The following CNBD1 variants were observed in gnomAD, a reference collection of about 807,000 sequenced individuals.
CNBD1 encodes the protein cyclic nucleotide binding domain containing 1.
In CNBD1, 71 loss-of-function variants were observed where a neutral mutation model predicts 54.4. The ratio of observed to expected loss-of-function variants is 1.30; its 90% CI spans 1.08 to 1.59. The LOEUF (loss-of-function observed/expected upper bound fraction) is 1.59. Among genes scored for constraint, CNBD1 ranks in the 40% most tolerant of loss-of-function variants. CNBD1 has a pLI of 0.00. For synonymous variants in CNBD1, 182 were observed against 170.7 expected, an observed-to-expected ratio of 1.07 and a Z score of -0.51; for missense variants, 659 against 518.0, an observed-to-expected ratio of 1.27 and a Z score of -2.64.
rs1012144193 is a variant in CNBD1, at chr8:87,183,955, G to C, written c.432-22038G>C. On this transcript the variant is annotated intron_variant, in intron 4 of 10. Transcript: ENST00000518476. ...TTCACTGGCGACAACACTCCAATAA[G>C]GGCTGCCAGCAAAGCACTGCAGTAG... is the stretch of plus-strand genomic sequence containing the variant. Among the ~76,000 whole-genome samples the C allele has an allele frequency of 2.0e-5, 3 of 152,174 alleles. No individual in the cohort carries two copies. The South Asian group carries it at 6.2e-4, about 31-fold the overall frequency.
chr8:86,928,938 A>G (rs73689969), intron 3 of CNBD1, among the ~76,000 whole-genome samples: 11,614 of 152,222 alleles, frequency 0.076, 1,438 homozygotes, highest in African/African-American at 0.26. Flanking sequence ...CTCTTCTGTC[A>G]TTAACCACCC....
At chr8:87,191,770 C>T (rs1230059228) in intron 4 of CNBD1, among the ~76,000 whole-genome samples, 1 of 152,128 alleles carries the variant, frequency 6.6e-6, no homozygotes, top group Non-Finnish European at 1.5e-5. Context: ...ACTGTGTGGA[C>T]CCAGCAGCAT....
chr8:87,058,753 T>A lies in CNBD1; in HGVS notation c.431+118999T>A, dbSNP rs554250853. ...TGGACCCAGTCCATGTAACCATCTT[T>A]CCTTCCTGGGTCTGTGATGGGAAGG... On this transcript the variant is annotated intron_variant, in intron 4 of 10. Transcript: ENST00000518476. Among the ~76,000 whole-genome samples the A allele has an allele frequency of 1.3e-4, 20 of 152,316 alleles. No individual in the cohort carries two copies. In the South Asian group the frequency reaches 4.1e-3, roughly 32 times the overall value.
chr8:87,341,009 T>G (rs1224506150), intron 8 of CNBD1, among the ~76,000 whole-genome samples: 4 of 152,168 alleles, frequency 2.6e-5, no homozygotes. Flanking sequence ...ATCTATCTCT[T>G]TAATTTTTCA....
At chr8:86,980,185 C>T (rs1808449889) in intron 4 of CNBD1, among the ~76,000 whole-genome samples, 1 of 152,162 alleles carries the variant, frequency 6.6e-6, no homozygotes, top group South Asian at 2.1e-4. Context: ...TACCATAATT[C>T]TTTTTGGTGC....
At chr8:87,071,935 G>A (rs764822574) in intron 4 of CNBD1, among the ~76,000 whole-genome samples, 1 of 152,054 alleles carries the variant, frequency 6.6e-6, no homozygotes, top group Non-Finnish European at 1.5e-5. Context: ...CTATACTTGT[G>A]TGGGAGTCTA....
intron 8 of CNBD1, among the ~76,000 whole-genome samples, chr8:87,338,565 TCTC>T (rs1351534924): frequency 6.6e-6 from 1 of 151,996 alleles, no homozygotes; most frequent in Non-Finnish European, 1.5e-5. Context: ...CAGATGTAAT[TCTC>T]CTCTATAGGT....
At chr8:86,969,658 AATATT>A (rs1262071788) in intron 4 of CNBD1, among the ~76,000 whole-genome samples, 33 of 152,092 alleles carry the variant, frequency 2.2e-4, no homozygotes, top group African/African-American at 5.5e-4. Context: ...TATAAGGCTC[AATATT>A]ATATTATAAT....
intron 4 of CNBD1, among the ~76,000 whole-genome samples, chr8:87,179,211 G>T (rs1381481066): frequency 6.6e-6 from 1 of 152,134 alleles, no homozygotes; most frequent in Non-Finnish European, 1.5e-5. Context: ...GACTTCAATT[G>T]AATAATTGAG....
intron 4 of CNBD1, among the ~76,000 whole-genome samples, chr8:87,051,054 A>T (rs1383310612): frequency 5.3e-5 from 8 of 152,210 alleles, no homozygotes; most frequent in Non-Finnish European, 1.2e-4. Context: ...TTCTGAAGCC[A>T]TTAGGATGGC....
At chr8:87,404,220 G>T (rs771280374) in intron 2 of CNBD1, among the ~76,000 whole-genome samples, 2 of 152,000 alleles carry the variant, frequency 1.3e-5, no homozygotes, top group Non-Finnish European at 2.9e-5. Flanking sequence ...GTGGGGATTT[G>T]TTCAAAAGTT....
chr8:87,253,382 T>G lies in CNBD1; in HGVS notation c.771+16270T>G, dbSNP rs549439977. 2.0e-5 allele frequency among the ~76,000 whole-genome samples: 3 copies of G among 152,230 alleles called. No individual in the cohort carries two copies. The South Asian group carries it at 6.2e-4, about 32-fold the overall frequency. The stretch of plus-strand genomic sequence containing the variant: ...ATCCTCTGCAGAATTGCTGGCTGAA[T>G]CTAAGTCTGAAGGTTGCAGCTCCTG... On this transcript the variant is annotated intron_variant, in intron 6 of 10. Transcript: ENST00000518476.
At chr8:87,019,886 G>T (rs1809447282) in intron 4 of CNBD1, among the ~76,000 whole-genome samples, 1 of 151,914 alleles carries the variant, frequency 6.6e-6, no homozygotes, top group African/African-American at 2.4e-5. Flanking sequence ...CTCAAAAAAA[G>T]AAAAGATTAC....
chr8:87,164,451 T>C (rs1352063854), intron 4 of CNBD1, among the ~76,000 whole-genome samples: 2 of 151,958 alleles, frequency 1.3e-5, no homozygotes, highest in Admixed American at 1.3e-4. Flanking sequence ...AGGTGTTTAA[T>C]TACTGAGTCA....
At chr8:87,254,315 G>T in intron 6 of CNBD1, among the ~76,000 whole-genome samples, 1 of 149,954 alleles carries the variant, frequency 6.7e-6, no homozygotes, top group Admixed American at 6.6e-5. Context: ...GGACTCATAG[G>T]GTAACAATTA....
intron 4 of CNBD1, among the ~76,000 whole-genome samples, chr8:87,095,319 T>C (rs1182850886): frequency 6.6e-6 from 1 of 152,226 alleles, no homozygotes; most frequent in African/African-American, 2.4e-5. Context: ...CTTAAGATAA[T>C]ACACTTGACA....
chr8:87,123,476 A>G (rs953649882), intron 4 of CNBD1, among the ~76,000 whole-genome samples: 1 of 151,798 alleles, frequency 6.6e-6, no homozygotes, highest in Non-Finnish European at 1.5e-5. Context: ...GGAAACATAA[A>G]CATAAACATA....
At chr8:86,984,041 A>G (rs193019026) in intron 4 of CNBD1, among the ~76,000 whole-genome samples, 2 of 152,300 alleles carry the variant, frequency 1.3e-5, no homozygotes, top group East Asian at 3.9e-4. Flanking sequence ...ACTAGGAGAA[A>G]AAAACGGTTT....
intron 4 of CNBD1, among the ~76,000 whole-genome samples, chr8:87,202,733 G>A (rs938106467): frequency 6.6e-6 from 1 of 152,176 alleles, no homozygotes. Context: ...AGTACTGAAT[G>A]AGTCCGAATG....
Sources: gnomAD v4.1 joint callset for allele counts (sites outside exome capture counted in the v4.1 genomes callset) on GRCh38, gnomAD v4.1.1 for gene constraint, MANE v1.5 for transcripts, NCBI Gene and HGNC (gene_info 2026-07-23, HGNC 2026-07-21) for gene names.